SCFD2: variants seen among roughly 807,000 people sequenced by gnomAD.
SCFD2 encodes the protein sec1 family domain containing 2.
In SCFD2, 54 loss-of-function variants were observed where a neutral mutation model predicts 58.9. The ratio of observed to expected loss-of-function variants is 0.92; its 90% CI spans 0.74 to 1.15. The LOEUF (loss-of-function observed/expected upper bound fraction) is 1.15. Ranked by LOEUF, SCFD2 falls within the 50% of genes most tolerant of loss-of-function variation. The probability of loss-of-function intolerance (pLI) is 0.00; values close to 1 mark genes in which losing one functional copy is unlikely to be tolerated. For missense variants in SCFD2, 805 were observed against 836.6 expected, an observed-to-expected ratio of 0.96 and a Z score of 0.47; for synonymous variants, 321 against 335.9, an observed-to-expected ratio of 0.96 and a Z score of 0.49.
intron 5 of SCFD2, among the ~76,000 whole-genome samples, chr4:53,091,960 A>G (rs780360110): frequency 2.6e-5 from 4 of 152,176 alleles, no homozygotes; most frequent in Non-Finnish European, 5.9e-5. Flanking sequence ...TTAAAGAAAT[A>G]TAAATCTTCC....
intron 5 of SCFD2, among the ~76,000 whole-genome samples, chr4:53,057,893 AGG>A (rs905714149): frequency 1.4e-4 from 22 of 152,122 alleles, no homozygotes; most frequent in African/African-American, 5.3e-4. Flanking sequence ...TGGCAGGGAA[AGG>A]GCAGTGCAGA....
At chr4:53,242,227 T>C (rs1729916676) in intron 4 of SCFD2, among the ~76,000 whole-genome samples, 2 of 152,174 alleles carry the variant, frequency 1.3e-5, no homozygotes, top group African/African-American at 2.4e-5. Flanking sequence ...ACACCACCCA[T>C]CAGAGTGTTG....
chr4:52,991,779 G>C (rs987463381), intron 5 of SCFD2, among the ~76,000 whole-genome samples: 1 of 151,876 alleles, frequency 6.6e-6, no homozygotes, highest in Admixed American at 6.5e-5. Context: ...GTGGAAATGG[G>C]AGGCCTGTGT....
intron 4 of SCFD2, among the ~76,000 whole-genome samples, chr4:53,218,083 C>T (rs1268646212): frequency 6.6e-6 from 1 of 152,134 alleles, no homozygotes; most frequent in Non-Finnish European, 1.5e-5. Flanking sequence ...ACATTTTTTC[C>T]TTCATTTCAA....
At chr4:53,309,489 G>A (rs1435176224) in intron 3 of SCFD2, among the ~76,000 whole-genome samples, 1 of 152,122 alleles carries the variant, frequency 6.6e-6, no homozygotes, top group African/African-American at 2.4e-5. Flanking sequence ...TGACCACAGA[G>A]GATTAGGAAT....
intron 4 of SCFD2, among the ~76,000 whole-genome samples, chr4:53,226,657 G>C (rs762365426): frequency 6.6e-6 from 1 of 152,258 alleles, no homozygotes; most frequent in East Asian, 1.9e-4. Flanking sequence ...CCTTCAGAGA[G>C]CTAAGGAGAC....
chr4:53,070,025 G>T (rs1723773145), intron 5 of SCFD2, among the ~76,000 whole-genome samples: 1 of 151,976 alleles, frequency 6.6e-6, no homozygotes, highest in South Asian at 2.1e-4. Flanking sequence ...GAGGGAAGGG[G>T]TCGTGTGTTT....
chr4:53,223,622 C>A (rs1729113138), intron 4 of SCFD2, among the ~76,000 whole-genome samples: 1 of 152,240 alleles, frequency 6.6e-6, no homozygotes, highest in African/African-American at 2.4e-5. Flanking sequence ...AACATAGTCT[C>A]ACGGAACATT....
At chr4:53,043,254 G>A (rs565506328) in intron 5 of SCFD2, among the ~76,000 whole-genome samples, 47 of 152,220 alleles carry the variant, frequency 3.1e-4, no homozygotes, top group South Asian at 2.3e-3. Flanking sequence ...TGAAGCCCAC[G>A]TCAGTGACAA....
intron 2 of SCFD2, among the ~76,000 whole-genome samples, chr4:53,335,696 T>A (rs1475992452): frequency 6.6e-6 from 1 of 152,170 alleles, no homozygotes; most frequent in Non-Finnish European, 1.5e-5. Flanking sequence ...AACTTTTTTG[T>A]ATGTTTAGAA....
intron 3 of SCFD2, among the ~76,000 whole-genome samples, chr4:53,284,737 C>T (rs879773930): frequency 2.0e-5 from 3 of 152,202 alleles, no homozygotes; most frequent in African/African-American, 7.2e-5. Context: ...AAATATCCTG[C>T]TCATAAAGAC....
intron 4 of SCFD2, among the ~76,000 whole-genome samples, chr4:53,224,720 G>A (rs758603211): frequency 6.6e-6 from 1 of 152,100 alleles, no homozygotes; most frequent in Non-Finnish European, 1.5e-5. Flanking sequence ...CTGGCTTTAA[G>A]CCACTAAGTT....
At chr4:53,219,753 T>C (rs1217031463) in intron 4 of SCFD2, among the ~76,000 whole-genome samples, 2 of 152,230 alleles carry the variant, frequency 1.3e-5, no homozygotes, top group Non-Finnish European at 2.9e-5. Context: ...AGACTGGAGC[T>C]GTTCCTATTC....
At chr4:53,253,805 A>G (rs936020147) in intron 4 of SCFD2, among the ~76,000 whole-genome samples, 2 of 150,412 alleles carry the variant, frequency 1.3e-5, no homozygotes, top group African/African-American at 2.4e-5. Flanking sequence ...CGAGTTAATG[A>G]GTGCAGCACA....
At chr4:53,046,479 T>C (rs1192965529) in intron 5 of SCFD2, among the ~76,000 whole-genome samples, 1 of 152,070 alleles carries the variant, frequency 6.6e-6, no homozygotes, top group East Asian at 1.9e-4. Context: ...CCTCCCAAAG[T>C]GTTGGAATTA....
At chr4:53,008,824 T>C (rs552950043) in intron 5 of SCFD2, among the ~76,000 whole-genome samples, 16 of 152,328 alleles carry the variant, frequency 1.1e-4, no homozygotes, top group African/African-American at 3.6e-4. Flanking sequence ...GCCTCAAAGT[T>C]CAATAGAAGT....
intron 4 of SCFD2, among the ~76,000 whole-genome samples, chr4:53,180,685 AC>A (rs1435177784): frequency 6.6e-6 from 1 of 152,170 alleles, no homozygotes; most frequent in Non-Finnish European, 1.5e-5. Context: ...GACACAAAAA[AC>A]CCTTCAAAAA....
In SCFD2 at chr4:53,064,467, G is replaced by A. The variant is rs1457953984; in HGVS notation, c.1561+80866C>T. 2.0e-5 allele frequency among the ~76,000 whole-genome samples: 3 copies of A among 152,236 alleles called. No homozygotes were observed. In the East Asian group the frequency reaches 5.8e-4, roughly 29 times the overall value. On this transcript the variant is annotated intron_variant, in intron 5 of 8. Transcript: ENST00000401642. Reference sequence around the variant, plus strand: ...GACTTATTACTTGGGTAACTGTCCTGAAGACACGATAGAGCCCATTATGCC... The same window carrying A: ...GACTTATTACTTGGGTAACTGTCCTAAAGACACGATAGAGCCCATTATGCC...
intron 4 of SCFD2, among the ~76,000 whole-genome samples, chr4:53,182,742 G>T (rs1347959694): frequency 1.3e-5 from 2 of 151,838 alleles, no homozygotes; most frequent in Admixed American, 1.3e-4. Flanking sequence ...GAAAATTTTT[G>T]CAACCTACTC....
Sources: allele counts gnomAD v4.1 joint callset (sites outside exome capture counted in the v4.1 genomes callset), GRCh38; gene constraint gnomAD v4.1.1; transcripts MANE v1.5; gene names NCBI Gene and HGNC (gene_info 2026-07-23, HGNC 2026-07-21).